IQSEC3: variants seen among roughly 807,000 people sequenced by gnomAD.
IQSEC3 encodes IQ motif and SEC7 domain-containing protein 3.
IQSEC3 carries 50 observed loss-of-function variants against 105.4 expected under a neutral mutation model. The ratio of observed to expected loss-of-function variants is 0.47; its 90% CI spans 0.38 to 0.60. The LOEUF (loss-of-function observed/expected upper bound fraction) is 0.60, where lower values mean the gene tolerates loss of function less well. Ranked by LOEUF, IQSEC3 falls within the 20% of genes least tolerant of loss-of-function variation. The probability of loss-of-function intolerance (pLI) is 0.00; values close to 1 mark genes in which losing one functional copy is unlikely to be tolerated. For synonymous variants in IQSEC3, 708 were observed against 746.0 expected (o/e 0.95, Z 0.83); for missense variants, 1,415 against 1,630.0 (o/e 0.87, Z 2.27).
intron 6 of IQSEC3, 56 bp from the exon 7 acceptor site, chr12:157,472 C>T: frequency 1.8e-5 from 20 of 1,087,786 alleles, no homozygotes; most frequent in Middle Eastern, 2.8e-4. Flanking sequence ...CTTTGTTGGG[C>T]CCGGGGGAGG....
chr12:133,339 G>A (rs917004059), intron 3 of IQSEC3, among the ~76,000 whole-genome samples: 11 of 152,244 alleles, frequency 7.2e-5, no homozygotes, highest in East Asian at 3.8e-4. Flanking sequence ...ATCAGCACAC[G>A]TAGGGGTTTT....
In IQSEC3 at chr12:141,167, A is replaced by G; in HGVS notation, c.2035A>G (p.Ile679Val). The change falls in exon 5 of 14, where the codon ATC (isoleucine) becomes GTC (valine). Residue 679 changes from isoleucine to valine, a missense_variant. Ile to Val is a conservative substitution (Grantham distance 29). Transcript: ENST00000538872. ...CCAGTTCCTGATCTCACGCGGCTTC[A>G]TCCCGGACACCCCCATCGGTGTGGC... ...GIQFLISRGF[I>V]PDTPIGVAHF... 1 of 1,605,558 alleles carries G rather than the reference A, an allele frequency of 6.2e-7. No individual in the cohort carries two copies. The highest frequency in any genetic ancestry group is 8.5e-7 in the Non-Finnish European group (1 of 1,178,280).
intron 11 of IQSEC3, among the ~76,000 whole-genome samples, chr12:168,636 C>A (rs536463802): frequency 6.6e-6 from 1 of 152,154 alleles, no homozygotes; most frequent in Middle Eastern, 3.2e-3. Context: ...TTAATGACAC[C>A]GTGAAGTGGG....
intron 1 of IQSEC3, among the ~76,000 whole-genome samples, chr12:91,754 C>T (rs1208307277): frequency 6.6e-6 from 1 of 152,068 alleles, no homozygotes; most frequent in African/African-American, 2.4e-5. Flanking sequence ...GCACTCCAGG[C>T]TGGGCGATGG....
chr12:103,878 G>C (rs1437212857), intron 2 of IQSEC3, among the ~76,000 whole-genome samples: 1 of 130,922 alleles, frequency 7.6e-6, no homozygotes. Context: ...GGGAGGGGAG[G>C]CGGGGGCTCG....
At chr12:127,979 C>T (rs782191682) in intron 3 of IQSEC3, among the ~76,000 whole-genome samples, 4 of 152,168 alleles carry the variant, frequency 2.6e-5, no homozygotes, top group Non-Finnish European at 5.9e-5. Context: ...AGCTGTATGG[C>T]CTTGGGCAAG....
intron 13 of IQSEC3, among the ~76,000 whole-genome samples, chr12:172,111 C>A (rs892326716): frequency 6.6e-6 from 1 of 152,158 alleles, no homozygotes; most frequent in South Asian, 2.1e-4. Flanking sequence ...AACCTCGACC[C>A]GGAGGGGCCC....
At position 89,319 on chromosome 12, in the gene IQSEC3, G is replaced by T. The variant is rs185511867; in HGVS notation, c.555-9827G>T. On this transcript the variant is annotated intron_variant, in intron 1 of 13. Coordinates refer to ENST00000538872, the MANE Select transcript of IQSEC3 (RefSeq NM_001170738.2). ...TGTCTTTTTCTACTGCTTGGAAGGG[G>T]GTTAATCATTAGGTGATCTGGGGGC... Among the ~76,000 whole-genome samples, 4 of 152,178 alleles carry T rather than the reference G, an allele frequency of 2.6e-5. No homozygotes were observed. The East Asian group carries it at 5.8e-4, about 22-fold the overall frequency.
intron 6 of IQSEC3, 151 bp from the exon 7 acceptor site, chr12:157,377 A>G (rs1555094680): frequency 8.9e-7 from 1 of 1,125,044 alleles, no homozygotes; most frequent in East Asian, 2.7e-5. Flanking sequence ...GGGTGTGGGG[A>G]AAAAGACCAG....
chr12:80,235 C>T (rs781811410), intron 1 of IQSEC3, among the ~76,000 whole-genome samples: 3 of 152,194 alleles, frequency 2.0e-5, no homozygotes, highest in Admixed American at 6.5e-5. Context: ...AAATACGATT[C>T]GGCAAGTGCT....
At chr12:75,799 G>C (rs1266005560) in intron 1 of IQSEC3, among the ~76,000 whole-genome samples, 1 of 152,290 alleles carries the variant, frequency 6.6e-6, no homozygotes, top group Non-Finnish European at 1.5e-5. Context: ...TATCAGGGCT[G>C]AGGAAGAGTT....
chr12:159,028 C>G (rs1866795673), intron 7 of IQSEC3, among the ~76,000 whole-genome samples: 1 of 152,224 alleles, frequency 6.6e-6, no homozygotes, highest in Admixed American at 6.5e-5. Flanking sequence ...ATTTAGCCCT[C>G]TTTCATCCAC....
chr12:139,091 G>C lies in IQSEC3; in HGVS notation c.1728G>C (p.Glu576Asp), dbSNP rs1865906909. ...ATAPKTEEEE[E>D]EEETAEVGRG... ...CCCCCAAAACAGAGGAGGAAGAGGA[G>C]GAGGAGGAGACGGCGGAGGTGGGGA... The change falls in exon 4 of 14, where the codon GAG (glutamate) becomes GAC (aspartate). Residue 576 changes from glutamate to aspartate, a missense_variant. Physicochemically the swap from Glu to Asp is conservative, Grantham distance 45 (BLOSUM62 2). This residue lies in a region of IQSEC3 where 720 missense variants were observed against 633.0 expected (regional missense o/e 1.14). Coordinates refer to ENST00000538872, the MANE Select transcript of IQSEC3 (RefSeq NM_001170738.2). 1.3e-6 allele frequency: 2 copies of C among 1,499,094 alleles called. No homozygotes were observed. Among genetic ancestry groups the C allele is most frequent in the Non-Finnish European group, 1.8e-6 (2 of 1,123,076 alleles). The allele number at this position is 1,499,094 out of a possible 1,614,324, so 92.9% of individuals were successfully genotyped here.
At position 147,633 on chromosome 12, in the gene IQSEC3, A is replaced by G. The variant is rs1402488520; in HGVS notation, c.2153+6348A>G. 2.0e-5 allele frequency: 3 copies of G among 152,258 alleles called. No individual in the cohort carries two copies. In the South Asian group the frequency reaches 6.2e-4, roughly 32 times the overall value. 9.4% of individuals were successfully genotyped at this position (152,258 alleles called of 1,614,324 possible). A position where few individuals can be genotyped will look rare whatever the true frequency, so the allele number is the denominator to read the frequency against. ...TCATGACACTGAAGACCCCTTAGACAATCAGCTGGTCCAGCCCTCTCATTT... is the reference window on the plus strand; with the variant it reads ...TCATGACACTGAAGACCCCTTAGACGATCAGCTGGTCCAGCCCTCTCATTT... On this transcript the variant is annotated intron_variant, in intron 5 of 13. Transcript: ENST00000538872.
At chr12:93,676 G>A (rs1380356926) in intron 1 of IQSEC3, among the ~76,000 whole-genome samples, 1 of 152,204 alleles carries the variant, frequency 6.6e-6, no homozygotes, top group Admixed American at 6.5e-5. Flanking sequence ...AATGTTTTCT[G>A]CTATGTTTTG....
chr12:109,075 T>A (rs1244984141), intron 2 of IQSEC3, among the ~76,000 whole-genome samples: 1 of 152,238 alleles, frequency 6.6e-6, no homozygotes, highest in East Asian at 1.9e-4. Context: ...GGCGGACTTC[T>A]CCCCAGCACG....
chr12:71,833 A>G (rs1175849563), intron 1 of IQSEC3, among the ~76,000 whole-genome samples: 1 of 152,256 alleles, frequency 6.6e-6, no homozygotes. Context: ...TTCTTCCCCT[A>G]TCCCCAGCAG....
At position 139,025 on chromosome 12, in the gene IQSEC3, C is replaced by T; in HGVS notation, c.1662C>T (p.Cys554=). 2.7e-6 allele frequency: 4 copies of T among 1,506,098 alleles called. No individual in the cohort carries two copies. The highest frequency in any genetic ancestry group is 1.4e-5 in the African/African-American group (1 of 72,102). 93.3% of individuals were successfully genotyped at this position (1,506,098 alleles called of 1,614,324 possible). The change falls in exon 4 of 14, where the codon TGC becomes TGT. Residue 554 remains cysteine (C), a synonymous_variant. Coordinates refer to ENST00000538872, the MANE Select transcript of IQSEC3 (RefSeq NM_001170738.2). ...GREDASAEDS[C]AEAAASGAAD... is the part of the protein sequence containing the mutation. ...AGGACGCGTCAGCCGAGGACTCATG[C>T]GCAGAGGCTGCGGCTAGTGGGGCGG...
At chr12:171,751 G>A (rs782701960) in intron 13 of IQSEC3, among the ~76,000 whole-genome samples, 22 of 152,200 alleles carry the variant, frequency 1.4e-4, no homozygotes, top group Non-Finnish European at 2.9e-4. Flanking sequence ...TGGCCATGGC[G>A]CAGGGATGTG....
Sources: allele counts gnomAD v4.1 joint callset (sites outside exome capture counted in the v4.1 genomes callset), GRCh38; gene constraint gnomAD v4.1.1; regional missense constraint gnomAD v4.1.1; transcripts MANE v1.5; gene names NCBI Gene and HGNC (gene_info 2026-07-23, HGNC 2026-07-21).